The following OGDHL variants were observed in gnomAD, a reference collection of about 807,000 sequenced individuals.
The protein encoded by OGDHL is oxoglutarate dehydrogenase L, also known as 2-oxoglutarate dehydrogenase-like, mitochondrial.
A neutral mutation model predicts 109.6 loss-of-function variants in OGDHL; 79 were observed. The observed-to-expected ratio is 0.72, with a 90% CI of 0.60 to 0.87. The LOEUF (loss-of-function observed/expected upper bound fraction) is 0.87. Ranked by LOEUF, OGDHL falls within the 40% of genes least tolerant of loss-of-function variation. OGDHL has a pLI of 0.00. For synonymous variants in OGDHL, 528 were observed against 537.2 expected (o/e 0.98, Z 0.24); for missense variants, 1,275 against 1,362.2 (o/e 0.94, Z 1.01).
Position 49,758,309 on chromosome 10 carries a change from C to T in OGDHL, c.204+80G>A. On this transcript the variant is annotated intron_variant, in intron 2 of 22. Coordinates refer to ENST00000374103, the MANE Select transcript of OGDHL (RefSeq NM_018245.3). ...GGATCACACAGCAGGCAAGCTGCTT[C>T]TCCCCACTGCCCTGCCACAGCCCGG... 5 of 1,401,722 alleles carry T rather than the reference C, an allele frequency of 3.6e-6. No homozygotes were observed. The South Asian group carries it at 6.7e-5, about 19-fold the overall frequency. 86.8% of individuals were successfully genotyped at this position (1,401,722 alleles called of 1,614,324 possible).
intron 15 of OGDHL, among the ~76,000 whole-genome samples, chr10:49,741,519 T>C (rs564990749): frequency 6.6e-6 from 1 of 152,090 alleles, no homozygotes; most frequent in Non-Finnish European, 1.5e-5. Context: ...ATCTAGAACA[T>C]TTTAGGAACC....
At chr10:49,741,418 G>A (rs916887378) in intron 15 of OGDHL, among the ~76,000 whole-genome samples, 1 of 152,072 alleles carries the variant, frequency 6.6e-6, no homozygotes, top group Non-Finnish European at 1.5e-5. Context: ...AAGACCAGCC[G>A]AGATAAGCAA....
At chr10:49,745,227 T>G (rs576105579) in intron 12 of OGDHL, 117 bp downstream of exon 12, 8 of 1,320,480 alleles carry the variant, frequency 6.1e-6, no homozygotes, top group Admixed American at 2.2e-5. Context: ...ACAAGGACCA[T>G]AGTGGCTACT....
At position 49,740,716 on chromosome 10, in the gene OGDHL, C is replaced by G; in HGVS notation, c.2134G>C (p.Val712Leu). 2 of 1,613,612 alleles carry G rather than the reference C, an allele frequency of 1.2e-6. No homozygotes were observed. Among genetic ancestry groups the G allele is most frequent in the Non-Finnish European group, 1.7e-6 (2 of 1,179,666 alleles). The stretch of plus-strand genomic sequence containing the variant: ...CAGGAGAGCGTGGACCCACCCAGGA[C>G]TCCGTACTCCGAGAGGGAGCTGTTG... ...VCNSSLSEYGVLGFELGYAMA... is the reference protein window; with the variant it reads ...VCNSSLSEYGLLGFELGYAMA... Residue 712 changes from valine (V) to leucine (L), a missense_variant, in exon 16 of 23, where the codon GTC becomes CTC. Transcript: ENST00000374103.
intron 17 of OGDHL, chr10:49,739,383 G>T (rs1358896627): frequency 2.5e-6 from 1 of 395,978 alleles, no homozygotes; most frequent in Non-Finnish European, 4.5e-6. Context: ...ACTTCATTAA[G>T]TTGTATGGAT....
chr10:49,749,761 A>C lies in OGDHL; in HGVS notation c.952T>G (p.Cys318Gly), dbSNP rs1842454978. The C allele has an allele frequency of 1.2e-6, 2 of 1,601,010 alleles. No homozygotes were observed. Among genetic ancestry groups the C allele is most frequent in the South Asian group, 2.2e-5 (2 of 89,266 alleles). ...GCCTCCAGCTTGGGGTCAAACTGGC[A>C]GAAGATCTGCTCCAGGTCCTTGCGG... ...VIRKDLEQIF[C>G]QFDPKLEAAD... The change falls in exon 8 of 23, where the codon TGC becomes GGC. Residue 318 changes from cysteine to glycine, a missense_variant. By Grantham distance (159) the Cys-to-Gly change is radical. Transcript: ENST00000374103.
At position 49,752,328 on chromosome 10, in the gene OGDHL, C is replaced by A; in HGVS notation, c.479-80G>T. ...AGGCCCAGGTGGAGCCCCGCAGTCTCACCAGACCTCCCAGTCTCCCCAGTG... is the reference window on the plus strand; with the variant it reads ...AGGCCCAGGTGGAGCCCCGCAGTCTAACCAGACCTCCCAGTCTCCCCAGTG... On this transcript the variant is annotated intron_variant, in intron 4 of 22. Transcript: ENST00000374103. 2.9e-6 allele frequency: 3 copies of A among 1,045,668 alleles called. No homozygotes were observed. In the East Asian group the frequency reaches 7.3e-5, roughly 25 times the overall value. The allele number at this position is 1,045,668 out of a possible 1,614,324, so 64.8% of individuals were successfully genotyped here.
At chr10:49,739,440 C>A in intron 17 of OGDHL, 1 of 513,908 alleles carries the variant, frequency 1.9e-6, no homozygotes, top group Non-Finnish European at 3.4e-6. Context: ...TGGCGCACAG[C>A]AAGCACTCAT....
intron 2 of OGDHL, among the ~76,000 whole-genome samples, chr10:49,757,553 A>C (rs570317519): frequency 1.3e-5 from 2 of 152,290 alleles, no homozygotes; most frequent in Admixed American, 6.5e-5. Context: ...AAGATGATGA[A>C]GGTGTAAGAT....
At chr10:49,742,585 A>AT (rs111289999) in intron 15 of OGDHL, among the ~76,000 whole-genome samples, 6,034 of 139,096 alleles carry the variant, frequency 0.043, 374 homozygotes, top group African/African-American at 0.14. Context: ...CCACACACAC[A>AT]TGATCCTGAG....
At chr10:49,735,449 C>T in intron 22 of OGDHL, 98 bp from the exon 23 acceptor site, 4 of 1,429,636 alleles carry the variant, frequency 2.8e-6, no homozygotes, top group South Asian at 2.7e-5. Context: ...ATCTGAGAAC[C>T]GCTGACCTCG....
In OGDHL at chr10:49,752,148, G is replaced by T. The variant is rs768018300; in HGVS notation, c.579C>A (p.Ile193=). Residue 193 remains isoleucine (I), a synonymous_variant, in exon 5 of 23, where the codon ATC becomes ATA. Coordinates refer to ENST00000374103, the MANE Select transcript of OGDHL (RefSeq NM_018245.3). ...GSENTLSLRE[I]IRRLENTYCQ... is the part of the protein sequence containing the mutation. ...CTGTGCTCACCTCCAGGCGCCGAAT[G>T]ATCTCCCGCAGAGAGAGGGTGTTTT... is the stretch of plus-strand genomic sequence containing the variant. 6.2e-7 allele frequency: 1 copy of T among 1,614,064 alleles called. No homozygotes were observed. Among genetic ancestry groups the T allele is most frequent in the South Asian group, 1.1e-5 (1 of 91,066 alleles).
rs774547776 is a variant in OGDHL, at chr10:49,745,931, G to A, written c.1343C>T (p.Pro448Leu). 1.3e-5 allele frequency: 21 copies of A among 1,614,104 alleles called. No homozygotes were observed. The highest frequency in any genetic ancestry group is 4.5e-5 in the East Asian group (2 of 44,892). ...ATTGACCACCCGGGCCACGTCGGTC[G>A]GGTATGGTGAGGAGCGGGCCATTCG... ...DPRMARSSPY[P>L]TDVARVVNAP... Residue 448 changes from proline (P) to leucine (L), a missense_variant, in exon 11 of 23, where the codon CCG becomes CTG. By Grantham distance (98) the Pro-to-Leu change is moderately conservative (BLOSUM62 -3). Coordinates refer to ENST00000374103, the MANE Select transcript of OGDHL (RefSeq NM_018245.3).
chr10:49,756,689 T>G, intron 3 of OGDHL, 87 bp downstream of exon 3: 3 of 1,312,044 alleles, frequency 2.3e-6, no homozygotes, highest in Non-Finnish European at 3.1e-6. Context: ...GGAGATGATG[T>G]TGGAGCTGAG....
At chr10:49,748,838 G>A (rs780890839) in intron 8 of OGDHL, among the ~76,000 whole-genome samples, 8 of 152,012 alleles carry the variant, frequency 5.3e-5, no homozygotes, top group Non-Finnish European at 1.0e-4. Context: ...AAGGGACACA[G>A]AGGAGGGAGT....
rs375222599 is a variant in OGDHL at position 49,739,727 on chromosome 10, G to A, written c.2253C>T (p.Thr751=). ...TATGCCGCACCCACTTGGCCTGGCC[G>A]GTGCTGATGAACTGGTCGATGATGC... ...AQCIIDQFIS[T]GQAKWVRHNG... is the part of the protein sequence containing the mutation. The change falls in exon 17 of 23, where the codon ACC becomes ACT. Residue 751 remains threonine, a synonymous_variant. Coordinates refer to ENST00000374103, the MANE Select transcript of OGDHL (RefSeq NM_018245.3). 18 of 1,614,006 alleles carry A rather than the reference G, an allele frequency of 1.1e-5. No individual in the cohort carries two copies. Among genetic ancestry groups the A allele is most frequent in the African/African-American group, 6.7e-5 (5 of 74,922 alleles).
Position 49,746,847 on chromosome 10 carries a change from G to A in OGDHL, c.1199C>T (p.Ala400Val). Residue 400 changes from alanine to valine, a missense_variant, in exon 10 of 23, where the codon GCC (alanine) becomes GTC (valine). Ala to Val is a moderately conservative substitution (Grantham distance 64). Coordinates refer to ENST00000374103, the MANE Select transcript of OGDHL (RefSeq NM_018245.3). ...ATATACCACGCCCTGGCCAGCAAAG[G>A]CGGCGTCCCCATGAACCAGGATGGA... is the stretch of plus-strand genomic sequence containing the variant. ...VMSILVHGDA[A>V]FAGQGVVYET... The A allele has an allele frequency of 6.2e-7, 1 of 1,614,160 alleles. No homozygotes were observed. Among genetic ancestry groups the A allele is most frequent in the South Asian group, 1.1e-5 (1 of 91,080 alleles).
intron 8 of OGDHL, 57 bp downstream of exon 8, chr10:49,749,669 T>C: frequency 6.9e-7 from 1 of 1,454,466 alleles, no homozygotes; most frequent in Non-Finnish European, 9.3e-7. Flanking sequence ...CCCTCCACAG[T>C]CCACCTCCCA....
At chr10:49,750,789 C>T (rs1035736932) in intron 7 of OGDHL, 50 bp downstream of exon 7, 2 of 1,547,700 alleles carry the variant, frequency 1.3e-6, no homozygotes, top group African/African-American at 2.7e-5. Flanking sequence ...CCACCTCTGT[C>T]CCCTGGGCTG....
Sources: gnomAD v4.1 joint callset for allele counts (sites outside exome capture counted in the v4.1 genomes callset) on GRCh38, gnomAD v4.1.1 for gene constraint, MANE v1.5 for transcripts, NCBI Gene and HGNC (gene_info 2026-07-23, HGNC 2026-07-21) for gene names.